Variants in SREBF2 observed in about 807,000 individuals in gnomAD.
SREBF2 encodes the protein sterol regulatory element binding transcription factor 2, also known as sterol regulatory element-binding protein 2.
Under a neutral mutation model 113.1 loss-of-function variants are expected in SREBF2, and 55 were observed. The ratio of observed to expected loss-of-function variants is 0.49; its 90% CI spans 0.39 to 0.61. The LOEUF is 0.61. Among genes scored for constraint, SREBF2 ranks in the 20% least tolerant of loss-of-function variants. The pLI is 0.00. For synonymous variants in SREBF2, 593 were observed against 605.7 expected, an observed-to-expected ratio of 0.98 and a Z score of 0.31; for missense variants, 1,349 against 1,487.4, an observed-to-expected ratio of 0.91 and a Z score of 1.53.
At chr22:41,881,561 C>T (rs578229776) in intron 10 of SREBF2, among the ~76,000 whole-genome samples, 3 of 152,280 alleles carry the variant, frequency 2.0e-5, no homozygotes, top group South Asian at 2.1e-4. Flanking sequence ...GGAGATGAGC[C>T]TCTGGGCAGA....
intron 7 of SREBF2, among the ~76,000 whole-genome samples, chr22:41,876,201 T>C (rs1296247456): frequency 6.6e-6 from 1 of 152,202 alleles, no homozygotes; most frequent in Non-Finnish European, 1.5e-5. Context: ...CCCCTGGCAA[T>C]GGTAGTTTAA....
intron 1 of SREBF2, among the ~76,000 whole-genome samples, chr22:41,834,220 A>G (rs2076747068): frequency 6.6e-6 from 1 of 152,078 alleles, no homozygotes; most frequent in African/African-American, 2.4e-5. Flanking sequence ...CTTGGCCAGT[A>G]TTGGTTTTTT....
intron 11 of SREBF2, chr22:41,891,324 C>G (rs1037287050): frequency 6.6e-6 from 1 of 152,182 alleles, no homozygotes; most frequent in Non-Finnish European, 1.5e-5. Context: ...ATTTGTTCTC[C>G]AGTATCCAGT....
chr22:41,868,783 G>C lies in SREBF2; in HGVS notation c.711G>C (p.Gln237His), dbSNP rs1220727214. The change falls in exon 3 of 19, where the codon CAG becomes CAC. Residue 237 changes from glutamine (Q) to histidine (H), a missense_variant. Physicochemically the swap from Gln to His is conservative, Grantham distance 24. This residue lies in a region of SREBF2 where 699 missense variants were observed against 843.3 expected (regional missense o/e 0.83). Transcript: ENST00000361204. ...AGACAGTTGCTGCGCCACAGGTGCA[G>C]CAGGTCCCGGTAAGTGGCTGGAAAG... ...TVQTVAAPQV[Q>H]QVPVLVQPQI... The C allele has an allele frequency of 1.2e-6, 2 of 1,610,304 alleles. No homozygotes were observed.
rs1602254158 is a variant in SREBF2, at chr22:41,833,429, CG to C, written c.88+72del. 1 of 1,360,970 alleles carries C rather than the reference CG, an allele frequency of 7.3e-7. No homozygotes were observed. Among genetic ancestry groups the C allele is most frequent in the East Asian group, 2.7e-5 (1 of 36,588 alleles). The allele number at this position is 1,360,970 out of a possible 1,614,324, so 84.3% of individuals were successfully genotyped here. ...GGGGTTACGGCGGCGCGCCCGGGTG[CG>C]CGTGCGCCCACCCCCCGACAGCCCC... is the stretch of plus-strand genomic sequence containing the variant. On this transcript the variant is annotated intron_variant, in intron 1 of 18. Transcript: ENST00000361204. The surrounding 1 kb of genome is among the most constrained non-coding windows in gnomAD (Gnocchi z 4.1).
At chr22:41,842,679 A>G (rs2076840781) in intron 1 of SREBF2, among the ~76,000 whole-genome samples, 1 of 152,194 alleles carries the variant, frequency 6.6e-6, no homozygotes, top group Non-Finnish European at 1.5e-5. Flanking sequence ...TAGTTGTCGC[A>G]AGAATCCAGT....
rs756489276 is a variant in SREBF2 at position 41,864,223 on chromosome 22, CATATATATATATATATATAT to C, written c.89-2588_89-2569del. Among the ~76,000 whole-genome samples the C allele has an allele frequency of 8.5e-3, 394 of 46,334 alleles. 7 individuals carry two copies. The highest frequency in any genetic ancestry group is 0.053 in the Middle Eastern group (4 of 76). 30.4% of individuals were successfully genotyped at this position (46,334 alleles called of 152,430 possible). A position where few individuals can be genotyped will look rare whatever the true frequency, so the allele number is the denominator to read the frequency against. ...TTTATTTTTCCTATCCTTCTGCAAGCATATATATATATATATATATATATATATATATATATATACACACA... is the reference window on the plus strand; with the variant it reads ...TTTATTTTTCCTATCCTTCTGCAAGCATATATATATATATATATACACACA... On this transcript the variant is annotated intron_variant, in intron 1 of 18. Transcript: ENST00000361204.
intron 1 of SREBF2, among the ~76,000 whole-genome samples, chr22:41,836,432 A>T (rs1225971625): frequency 1.3e-5 from 2 of 152,246 alleles, no homozygotes; most frequent in African/African-American, 4.8e-5. Context: ...TAGCAGGAAG[A>T]CCACACCAAA....
At chr22:41,890,908 T>TA (rs973760978) in intron 11 of SREBF2, among the ~76,000 whole-genome samples, 69 of 144,542 alleles carry the variant, frequency 4.8e-4, no homozygotes, top group East Asian at 1.2e-3. Flanking sequence ...ACTCTGTCTT[T>TA]AAAAAAAAAA....
intron 11 of SREBF2, among the ~76,000 whole-genome samples, chr22:41,892,099 G>A (rs755316670): frequency 6.6e-6 from 1 of 152,136 alleles, no homozygotes; most frequent in Non-Finnish European, 1.5e-5. Flanking sequence ...GTGCCATGGG[G>A]TTTCTGTAGG....
chr22:41,844,733 G>A (rs1161752005), intron 1 of SREBF2, among the ~76,000 whole-genome samples: 2 of 152,064 alleles, frequency 1.3e-5, no homozygotes, highest in African/African-American at 2.4e-5. Flanking sequence ...ATGAAATTTC[G>A]AGCTGCTGAA....
chr22:41,885,705 A>G (rs898619686), intron 11 of SREBF2: 1 of 158,630 alleles, frequency 6.3e-6, no homozygotes, highest in Non-Finnish European at 1.4e-5. Flanking sequence ...TAGCAGAAAC[A>G]GGTATGTTTT....
intron 1 of SREBF2, among the ~76,000 whole-genome samples, chr22:41,864,399 C>G (rs2077056490): frequency 1.4e-5 from 2 of 146,104 alleles, no homozygotes; most frequent in Non-Finnish European, 3.0e-5. Flanking sequence ...CTGCTCACTG[C>G]AAGCTCTGCC....
intron 3 of SREBF2, 124 bp from the exon 4 acceptor site, chr22:41,870,765 T>C: frequency 7.4e-7 from 1 of 1,351,140 alleles, no homozygotes; most frequent in South Asian, 1.2e-5. Context: ...CATTTTTTTA[T>C]TCTCAATTTC....
intron 5 of SREBF2, 46 bp downstream of exon 5, chr22:41,874,065 C>T: frequency 6.2e-7 from 1 of 1,606,942 alleles, no homozygotes; most frequent in Non-Finnish European, 8.5e-7. Context: ...CATCTCCCCT[C>T]TACCTGTTTT....
At chr22:41,879,717 T>G (rs1880915777) in intron 9 of SREBF2, among the ~76,000 whole-genome samples, 1 of 152,180 alleles carries the variant, frequency 6.6e-6, no homozygotes, top group Non-Finnish European at 1.5e-5. Flanking sequence ...AGCTGCCCAA[T>G]AGAGGAAAAT....
chr22:41,836,197 A>G (rs2076772959), intron 1 of SREBF2, among the ~76,000 whole-genome samples: 1 of 152,232 alleles, frequency 6.6e-6, no homozygotes, highest in African/African-American at 2.4e-5. Flanking sequence ...CAGGAGACCT[A>G]GGGGCCAGGT....
chr22:41,886,555 TAC>T (rs2077300900), intron 11 of SREBF2, among the ~76,000 whole-genome samples: 1 of 152,172 alleles, frequency 6.6e-6, no homozygotes, highest in Non-Finnish European at 1.5e-5. Context: ...GAAGTGAAGT[TAC>T]CCATGCAACA....
intron 2 of SREBF2, 138 bp downstream of exon 2, chr22:41,867,418 AC>A (rs1306606994): frequency 1.7e-5 from 16 of 919,122 alleles, no homozygotes; most frequent in Non-Finnish European, 1.7e-6. Flanking sequence ...GGTTCTGGTA[AC>A]TGGCAATAAG....
Sources: allele counts gnomAD v4.1 joint callset (sites outside exome capture counted in the v4.1 genomes callset), GRCh38; gene constraint gnomAD v4.1.1; regional missense constraint gnomAD v4.1.1; non-coding constraint Gnocchi (gnomAD v3.1); transcripts MANE v1.5; gene names NCBI Gene and HGNC (gene_info 2026-07-23, HGNC 2026-07-21).